CCDC50: variants seen among roughly 807,000 people sequenced by gnomAD.
The protein encoded by CCDC50 is coiled-coil domain containing 50.
CCDC50 carries 54 observed loss-of-function variants against 70.2 expected under a neutral mutation model. The observed-to-expected ratio is 0.77, with a 90% CI of 0.62 to 0.96. CCDC50 has a LOEUF of 0.96. Among genes scored for constraint, CCDC50 ranks in the 50% least tolerant of loss-of-function variants. CCDC50 has a pLI of 0.00. For synonymous variants in CCDC50, 216 were observed against 198.8 expected (o/e 1.09, Z -0.73); for missense variants, 558 against 578.7 (o/e 0.96, Z 0.37).
Position 191,352,969 on chromosome 3 carries a change from T to A in CCDC50, c.50-4119T>A, listed in dbSNP as rs879338563. Among the ~76,000 whole-genome samples the A allele has an allele frequency of 2.2e-3, 319 of 142,006 alleles. 59 individuals are homozygous for A. Among genetic ancestry groups the A allele is most frequent in the Admixed American group, 0.017 (239 of 13,878 alleles). The allele number at this position is 142,006 out of a possible 152,430, so 93.2% of individuals were successfully genotyped here. A position where few individuals can be genotyped will look rare whatever the true frequency, so the allele number is the denominator to read the frequency against. ...TGACTTTATGATCCAGCTTTATTTT[T>A]TTTTTTTTAACTTCTTTCAATTAAC... On this transcript the variant is annotated intron_variant, in intron 1 of 11. Transcript: ENST00000392455.
intron 1 of CCDC50, among the ~76,000 whole-genome samples, chr3:191,354,605 C>G (rs970605943): frequency 6.6e-6 from 1 of 152,128 alleles, no homozygotes; most frequent in Non-Finnish European, 1.5e-5. Context: ...TTTTTGTAAT[C>G]TATAGAATGA....
At chr3:191,357,061 T>C in intron 1 of CCDC50, 27 bp from the exon 2 acceptor site, 3 of 1,486,146 alleles carry the variant, frequency 2.0e-6, no homozygotes, top group South Asian at 1.1e-5. Flanking sequence ...TGAGCCTTCC[T>C]GTCTGTTTTT....
chr3:191,366,219 T>TA (rs1349644832), intron 4 of CCDC50, among the ~76,000 whole-genome samples: 1 of 152,182 alleles, frequency 6.6e-6, no homozygotes, highest in Admixed American at 6.5e-5. Context: ...CTACTGCTCA[T>TA]AGCACTATTC....
intron 5 of CCDC50, among the ~76,000 whole-genome samples, chr3:191,374,145 T>C (rs908929188): frequency 4.6e-5 from 7 of 152,110 alleles, no homozygotes; most frequent in African/African-American, 1.7e-4. Context: ...TCTTATAAAG[T>C]GCATATGCAT....
intron 1 of CCDC50, among the ~76,000 whole-genome samples, chr3:191,341,139 A>G (rs1012097020): frequency 2.6e-5 from 4 of 152,150 alleles, no homozygotes; most frequent in Non-Finnish European, 5.9e-5. Flanking sequence ...AAATTGCAGC[A>G]CAGATTCTGT....
rs750889571 is a variant in CCDC50, at chr3:191,394,338, T to C, written c.*2578T>C. The C allele has an allele frequency of 2.0e-5, 3 of 152,170 alleles. No homozygotes were observed. The allele number at this position is 152,170 out of a possible 1,614,324, so 9.4% of individuals were successfully genotyped here. ...AATTCAGCCAGTTAAATCCTCATAC[T>C]CTTTCTCATTCAAATAATATAATAA... On this transcript the variant is annotated 3_prime_UTR_variant, in exon 12 of 12. Transcript: ENST00000392455.
intron 10 of CCDC50, among the ~76,000 whole-genome samples, chr3:191,384,823 C>G (rs1306956543): frequency 6.6e-6 from 1 of 152,120 alleles, no homozygotes; most frequent in Non-Finnish European, 1.5e-5. Context: ...TTGCCTCCCT[C>G]CCTCCTTTTG....
At chr3:191,364,515 A>G (rs948634974) in intron 4 of CCDC50, among the ~76,000 whole-genome samples, 11 of 151,500 alleles carry the variant, frequency 7.3e-5, no homozygotes, top group African/African-American at 1.9e-4. Flanking sequence ...TTTGGGGTCA[A>G]TTTTCCTGGT....
intron 6 of CCDC50, among the ~76,000 whole-genome samples, chr3:191,377,212 G>A (rs1713148521): frequency 6.6e-6 from 1 of 152,034 alleles, no homozygotes; most frequent in African/African-American, 2.4e-5. Flanking sequence ...ATTTGATTTT[G>A]TAACTCCCTG....
intron 1 of CCDC50, among the ~76,000 whole-genome samples, chr3:191,354,293 G>A (rs578075032): frequency 9.2e-4 from 140 of 152,164 alleles, no homozygotes; most frequent in African/African-American, 3.1e-3. Context: ...GCCCCTCTTC[G>A]TCTCTCTGGA....
rs562352317 is a variant in CCDC50, at chr3:191,361,001, A to G, written c.240-68A>G. ...ATATAGTGAGTATTCAATAAATTGT[A>G]TTTATTACTTTTAGGAAATACATTA... is the stretch of plus-strand genomic sequence containing the variant. On this transcript the variant is annotated intron_variant, in intron 3 of 11. Coordinates refer to ENST00000392455, the MANE Select transcript of CCDC50 (RefSeq NM_178335.3). The G allele has an allele frequency of 4.0e-5, 43 of 1,071,076 alleles. No homozygotes were observed. The Admixed American group carries it at 7.2e-4, about 18-fold the overall frequency. The allele number at this position is 1,071,076 out of a possible 1,614,324, so 66.3% of individuals were successfully genotyped here.
intron 1 of CCDC50, among the ~76,000 whole-genome samples, chr3:191,352,588 G>A (rs1712140129): frequency 7.0e-6 from 1 of 142,340 alleles, no homozygotes; most frequent in Admixed American, 7.2e-5. Flanking sequence ...TGTTTAGACT[G>A]AATTCCATCG....
chr3:191,391,086 T>G (rs293841), intron 11 of CCDC50, among the ~76,000 whole-genome samples: 64,242 of 151,210 alleles, frequency 0.42, 15,248 homozygotes, highest in Non-Finnish European at 0.53. Context: ...TGTGAAAGAA[T>G]TTTGCACAGT....
At chr3:191,390,595 A>T (rs79096037) in intron 11 of CCDC50, among the ~76,000 whole-genome samples, 1 of 152,118 alleles carries the variant, frequency 6.6e-6, no homozygotes, top group Admixed American at 6.5e-5. Flanking sequence ...TGATGTTCCC[A>T]TGGCATCTGT....
At chr3:191,367,287 G>A (rs145858356) in intron 4 of CCDC50, among the ~76,000 whole-genome samples, 5 of 152,036 alleles carry the variant, frequency 3.3e-5, no homozygotes, top group South Asian at 2.1e-4. Context: ...AGAGAGTGGC[G>A]TATTACTATG....
At chr3:191,366,674 G>GTT (rs138659618) in intron 4 of CCDC50, among the ~76,000 whole-genome samples, 315 of 149,724 alleles carry the variant, frequency 2.1e-3, no homozygotes, top group Non-Finnish European at 3.7e-3. Flanking sequence ...AAGATAACAG[G>GTT]TTTTTTTTTT....
intron 1 of CCDC50, among the ~76,000 whole-genome samples, chr3:191,345,095 G>A (rs1242480414): frequency 6.6e-6 from 1 of 152,178 alleles, no homozygotes; most frequent in East Asian, 1.9e-4. Context: ...TCATTTTGAG[G>A]TTATGGGATG....
rs745516287 is a variant in CCDC50 at position 191,375,413 on chromosome 3, A to G, written c.800A>G (p.Lys267Arg). The G allele has an allele frequency of 2.1e-5, 34 of 1,613,714 alleles. No individual in the cohort carries two copies. The South Asian group carries it at 3.5e-4, about 17-fold the overall frequency. The change falls in exon 6 of 12, where the codon AAA becomes AGA. Residue 267 changes from lysine to arginine, a missense_variant. Lys to Arg is a conservative substitution (Grantham distance 26). Transcript: ENST00000392455. ...AACCATCAGACTCGAAATTGGGAAAAACAGTCTCGACACCAAGATCGACTT... is the reference window on the plus strand; with the variant it reads ...AACCATCAGACTCGAAATTGGGAAAGACAGTCTCGACACCAAGATCGACTT... ...KINHQTRNWE[K>R]QSRHQDRLSP...
intron 5 of CCDC50, chr3:191,370,404 C>T: frequency 3.6e-6 from 1 of 276,796 alleles, no homozygotes; most frequent in Non-Finnish European, 6.9e-6. Context: ...GTGATGTTTG[C>T]CTTCCTGTAT....
Sources: gnomAD v4.1 joint callset for allele counts (sites outside exome capture counted in the v4.1 genomes callset) on GRCh38, gnomAD v4.1.1 for gene constraint, MANE v1.5 for transcripts, NCBI Gene and HGNC (gene_info 2026-07-23, HGNC 2026-07-21) for gene names.